The following COG5 variants were observed in gnomAD, a reference collection of about 807,000 sequenced individuals.
COG5 encodes the protein conserved oligomeric Golgi complex subunit 5.
A neutral mutation model predicts 110.4 loss-of-function variants in COG5; 86 were observed. The ratio of observed to expected loss-of-function variants is 0.78; its 90% confidence interval spans 0.65 to 0.93. COG5 has a LOEUF of 0.93. Among genes scored for constraint, COG5 ranks in the 40% least tolerant of loss-of-function variants. COG5 has a pLI of 0.00. For synonymous variants in COG5, 360 were observed against 334.6 expected (o/e 1.08, Z -0.83); for missense variants, 1,077 against 987.0 (o/e 1.09, Z -1.22).
At chr7:107,392,429 C>T (rs78534962) in intron 7 of COG5, among the ~76,000 whole-genome samples, 4,303 of 152,062 alleles carry the variant, frequency 0.028, 186 homozygotes, top group African/African-American at 0.098. Flanking sequence ...AGTTAAGAGA[C>T]AAGGAATAGA....
intron 19 of COG5, among the ~76,000 whole-genome samples, chr7:107,213,379 C>G (rs1224439237): frequency 6.6e-6 from 1 of 152,194 alleles, no homozygotes; most frequent in Non-Finnish European, 1.5e-5. Flanking sequence ...CACCTAGTGT[C>G]AGAGCCCATC....
intron 11 of COG5, 101 bp from the exon 12 acceptor site, chr7:107,298,447 C>T: frequency 2.3e-6 from 2 of 884,524 alleles, no homozygotes; most frequent in African/African-American, 1.7e-5. Context: ...TACTATAGGG[C>T]AAACCAAAGA....
At chr7:107,417,852 T>C (rs1279479561) in intron 6 of COG5, among the ~76,000 whole-genome samples, 1 of 152,150 alleles carries the variant, frequency 6.6e-6, no homozygotes, top group Non-Finnish European at 1.5e-5. Flanking sequence ...CTTTTTGTCT[T>C]AAATCCCTTT....
chr7:107,220,066 A>G (rs1291979646), intron 19 of COG5, among the ~76,000 whole-genome samples: 3 of 152,242 alleles, frequency 2.0e-5, no homozygotes, highest in Non-Finnish European at 4.4e-5. Context: ...GAAGTGGCAA[A>G]GCAAGGATTC....
At chr7:107,437,942 A>C (rs1311551404) in intron 6 of COG5, among the ~76,000 whole-genome samples, 1 of 152,158 alleles carries the variant, frequency 6.6e-6, no homozygotes, top group East Asian at 1.9e-4. Context: ...TTAACATGCA[A>C]GAAATGGCCA....
At chr7:107,530,485 C>T (rs1801117262) in intron 5 of COG5, among the ~76,000 whole-genome samples, 2 of 150,844 alleles carry the variant, frequency 1.3e-5, no homozygotes, top group Non-Finnish European at 2.9e-5. Context: ...CCTGTAATCC[C>T]AACTACTTGG....
intron 11 of COG5, among the ~76,000 whole-genome samples, chr7:107,308,055 A>G (rs1807887340): frequency 6.6e-6 from 1 of 152,218 alleles, no homozygotes; most frequent in Admixed American, 6.5e-5. Flanking sequence ...TTCACCTATT[A>G]TAACTAGTTG....
chr7:107,250,182 A>C (rs1022891253), intron 16 of COG5, among the ~76,000 whole-genome samples: 8 of 152,200 alleles, frequency 5.3e-5, no homozygotes, highest in African/African-American at 1.9e-4. Flanking sequence ...GCAGTGGTAC[A>C]GAGCTGCTGG....
intron 6 of COG5, among the ~76,000 whole-genome samples, chr7:107,435,094 T>C (rs1794284501): frequency 6.6e-6 from 1 of 152,138 alleles, no homozygotes. Flanking sequence ...TTATGGGTTA[T>C]CTAAAGTAGT....
chr7:107,520,969 G>A (rs775278739), intron 6 of COG5, among the ~76,000 whole-genome samples: 51 of 152,104 alleles, frequency 3.4e-4, no homozygotes, highest in Non-Finnish European at 8.8e-5. Context: ...AAACAGAACA[G>A]AGACCTCAGA....
At chr7:107,386,598 A>G (rs1790220727) in intron 7 of COG5, among the ~76,000 whole-genome samples, 1 of 152,190 alleles carries the variant, frequency 6.6e-6, no homozygotes, top group Admixed American at 6.5e-5. Context: ...TGATGGGACA[A>G]CAGTTATCAG....
chr7:107,219,920 G>A (rs1477816230), intron 19 of COG5, among the ~76,000 whole-genome samples: 1 of 152,098 alleles, frequency 6.6e-6, no homozygotes, highest in African/African-American at 2.4e-5. Context: ...ATATCACTTT[G>A]TACCCCATAA....
intron 11 of COG5, among the ~76,000 whole-genome samples, chr7:107,300,827 A>G (rs1807196605): frequency 1.3e-5 from 2 of 152,314 alleles, no homozygotes; most frequent in South Asian, 4.1e-4. Context: ...AAATCATATG[A>G]AAATGTAAAG....
intron 7 of COG5, among the ~76,000 whole-genome samples, chr7:107,374,164 G>A (rs897297814): frequency 6.6e-6 from 1 of 152,058 alleles, no homozygotes; most frequent in East Asian, 1.9e-4. Context: ...ATGCCAACAA[G>A]GAAAATAAGC....
chr7:107,525,006 C>A (rs1397491715), intron 6 of COG5, among the ~76,000 whole-genome samples: 1 of 152,136 alleles, frequency 6.6e-6, no homozygotes, highest in African/African-American at 2.4e-5. Context: ...CGGCTCACTG[C>A]AACCTCCGCC....
intron 1 of COG5, among the ~76,000 whole-genome samples, chr7:107,559,991 G>T (rs1386451249): frequency 6.6e-6 from 1 of 152,210 alleles, no homozygotes; most frequent in East Asian, 1.9e-4. Context: ...TTTAACCCAA[G>T]AAATTGCACT....
rs75944130 is a variant in COG5 at position 107,478,454 on chromosome 7, T to A, written c.538+48783A>T. 5.6e-3 allele frequency among the ~76,000 whole-genome samples: 845 copies of A among 152,094 alleles called. 8 individuals are homozygous for A. Among genetic ancestry groups the A allele is most frequent in the African/African-American group, 0.02 (814 of 41,540 alleles). On this transcript the variant is annotated intron_variant, in intron 6 of 21. Transcript: ENST00000297135. ...GCAGTTTCAGTTACCCATGGTCAGT[T>A]AGCATGGTCAACTCTGTGGTCCAAA...
At chr7:107,230,805 T>A in intron 18 of COG5, 114 bp from the exon 19 acceptor site, 1 of 810,782 alleles carries the variant, frequency 1.2e-6, no homozygotes, top group Non-Finnish European at 2.1e-6. Context: ...TTATCTGGAC[T>A]GTAAGGCAAG....
chr7:107,338,994 A>G (rs1320930108), intron 10 of COG5, among the ~76,000 whole-genome samples: 1 of 152,210 alleles, frequency 6.6e-6, no homozygotes, highest in East Asian at 1.9e-4. Flanking sequence ...CCAGCTAACA[A>G]CTTCATAATA....
Sources: allele counts gnomAD v4.1 joint callset (sites outside exome capture counted in the v4.1 genomes callset), GRCh38; gene constraint gnomAD v4.1.1; transcripts MANE v1.5; gene names NCBI Gene and HGNC (gene_info 2026-07-23, HGNC 2026-07-21).